GPHN: variants seen among roughly 807,000 people sequenced by gnomAD.
GPHN encodes gephyrin.
GPHN carries 17 observed loss-of-function variants against 95.5 expected under a neutral mutation model. The ratio of observed to expected loss-of-function variants is 0.18; its 90% CI spans 0.12 to 0.27. The LOEUF (loss-of-function observed/expected upper bound fraction) is 0.27. GPHN is among the 10% of genes least tolerant of loss of function. The pLI is 1.00. For synonymous variants in GPHN, 320 were observed against 322.5 expected (o/e 0.99, Z 0.08); for missense variants, 660 against 978.1 (o/e 0.67, Z 4.34).
chr14:67,605,957 G>A, the GPHN span, among the ~76,000 whole-genome samples: 1 of 152,126 alleles, frequency 6.6e-6, no homozygotes, highest in African/African-American at 2.4e-5. Context: ...AAAGTGCTGG[G>A]ATTACAGGTG....
chr14:67,684,091 C>T, the GPHN span, among the ~76,000 whole-genome samples: 10 of 152,166 alleles, frequency 6.6e-5, no homozygotes, highest in African/African-American at 2.2e-4. Flanking sequence ...CTCTCTCTCT[C>T]ACTAGGTTAA....
At chr14:67,656,303 G>A in the GPHN span, 15 of 962,816 alleles carry the variant, frequency 1.6e-5, no homozygotes, top group Non-Finnish European at 7.1e-6. Flanking sequence ...ACTTAAAAAA[G>A]ACTATTCCCT....
intron 1 of GPHN, among the ~76,000 whole-genome samples, chr14:66,595,907 A>T (rs144269571): frequency 6.4e-4 from 98 of 152,268 alleles, no homozygotes; most frequent in African/African-American, 2.2e-3. Flanking sequence ...GTCCAGGAAG[A>T]ATGAGTTATG....
the GPHN span, among the ~76,000 whole-genome samples, chr14:67,487,350 A>T: frequency 6.6e-6 from 1 of 152,210 alleles, no homozygotes; most frequent in Non-Finnish European, 1.5e-5. Flanking sequence ...AGGTCTGATT[A>T]ATCCAGCCAC....
At chr14:67,072,096 AT>A (rs1567292368) in intron 11 of GPHN, among the ~76,000 whole-genome samples, 1 of 152,062 alleles carries the variant, frequency 6.6e-6, no homozygotes. Context: ...TTATCTTGCA[AT>A]TTTTAAATTC....
intron 3 of GPHN, among the ~76,000 whole-genome samples, chr14:66,802,218 C>A (rs1377492452): frequency 1.3e-5 from 2 of 152,154 alleles, no homozygotes; most frequent in Non-Finnish European, 1.5e-5. Context: ...ATTCCAAAAG[C>A]AGAGGAGCCT....
chr14:66,745,455 T>C (rs2058103701), intron 2 of GPHN, among the ~76,000 whole-genome samples: 1 of 152,068 alleles, frequency 6.6e-6, no homozygotes, highest in East Asian at 1.9e-4. Flanking sequence ...AAATATAACA[T>C]ACAAACCTAT....
intron 10 of GPHN, among the ~76,000 whole-genome samples, chr14:67,034,608 C>T (rs1398091897): frequency 1.3e-5 from 2 of 151,984 alleles, no homozygotes; most frequent in African/African-American, 4.8e-5. Flanking sequence ...GATATTACTT[C>T]ATGCAAATTA....
chr14:67,129,136 A>G (rs1334295461), intron 17 of GPHN, among the ~76,000 whole-genome samples: 1 of 150,442 alleles, frequency 6.6e-6, no homozygotes, highest in Non-Finnish European at 1.5e-5. Context: ...TTTTTTTAAT[A>G]TTTCTGAAAT....
chr14:67,722,377 T>G, the GPHN span: 2 of 560,996 alleles, frequency 3.6e-6, no homozygotes, highest in Non-Finnish European at 6.4e-6. Context: ...TCTTTGCCAG[T>G]AAACCTAAGT....
intron 2 of GPHN, among the ~76,000 whole-genome samples, chr14:66,731,240 G>A (rs1566880683): frequency 6.6e-6 from 1 of 152,208 alleles, no homozygotes; most frequent in Non-Finnish European, 1.5e-5. Context: ...GGTGAGTGAG[G>A]TACTGCTATA....
the GPHN span, chr14:67,579,412 GC>G: frequency 2.1e-6 from 2 of 959,904 alleles, no homozygotes. Context: ...GTTCACTGTT[GC>G]CCCAGAAGTA....
At chr14:66,600,976 CTG>C (rs2062207307) in intron 1 of GPHN, among the ~76,000 whole-genome samples, 1 of 151,990 alleles carries the variant, frequency 6.6e-6, no homozygotes, top group Admixed American at 6.5e-5. Context: ...AATGCGGAAT[CTG>C]TGGATGAGGA....
the GPHN span, among the ~76,000 whole-genome samples, chr14:67,207,493 A>G: frequency 6.6e-6 from 1 of 152,098 alleles, no homozygotes. Flanking sequence ...GCCCACTTCC[A>G]ACATTGGAGG....
At chr14:67,646,955 T>C in the GPHN span, 1 of 1,611,702 alleles carries the variant, frequency 6.2e-7, no homozygotes, top group South Asian at 1.1e-5. Flanking sequence ...CCAGTATTTT[T>C]CCATGAGAGA....
chr14:66,697,185 A>C (rs2068156956), intron 2 of GPHN, among the ~76,000 whole-genome samples: 1 of 152,220 alleles, frequency 6.6e-6, no homozygotes, highest in African/African-American at 2.4e-5. Flanking sequence ...GGCATTTTAT[A>C]GTTAATCTAC....
At chr14:67,322,237 G>T in the GPHN span, among the ~76,000 whole-genome samples, 1 of 152,034 alleles carries the variant, frequency 6.6e-6, no homozygotes, top group Non-Finnish European at 1.5e-5. Flanking sequence ...GGTCCCAGCT[G>T]CTTGGGAGGC....
At chr14:66,789,472 A>G (rs2059898453) in intron 3 of GPHN, among the ~76,000 whole-genome samples, 1 of 152,226 alleles carries the variant, frequency 6.6e-6, no homozygotes, top group African/African-American at 2.4e-5. Flanking sequence ...TCCAGTAGTT[A>G]AAAGGTTTTT....
intron 4 of GPHN, among the ~76,000 whole-genome samples, chr14:66,863,722 G>A (rs1261149293): frequency 2.6e-5 from 4 of 152,146 alleles, no homozygotes; most frequent in African/African-American, 9.6e-5. Flanking sequence ...CTCAGGAAAA[G>A]ACAGTCTCTT....
Sources: gnomAD v4.1 joint callset for allele counts (sites outside exome capture counted in the v4.1 genomes callset) on GRCh38, gnomAD v4.1.1 for gene constraint, MANE v1.5 for transcripts, NCBI Gene and HGNC (gene_info 2026-07-23, HGNC 2026-07-21) for gene names.